The following PCDHGA11 variants were observed in gnomAD, a reference collection of about 807,000 sequenced individuals.
The protein encoded by PCDHGA11 is protocadherin gamma-A11.
In PCDHGA11, 39 loss-of-function variants were observed where a neutral mutation model predicts 60.4. The ratio of observed to expected loss-of-function variants is 0.65; its 90% confidence interval spans 0.50 to 0.84. The LOEUF is 0.84. PCDHGA11 is among the 40% of genes least tolerant of loss of function. PCDHGA11 has a pLI of 0.00. For missense variants in PCDHGA11, 1,165 were observed against 1,197.7 expected (o/e 0.97, Z 0.40); for synonymous variants, 533 against 510.3 (o/e 1.04, Z -0.60).
At chr5:141,439,996 G>C (rs1156373511) in intron 1 of PCDHGA11, 1 of 153,262 alleles carries the variant, frequency 6.5e-6, no homozygotes, top group African/African-American at 2.4e-5. Flanking sequence ...GTTTGGTGGT[G>C]GGAAACCTTG....
chr5:141,477,607 G>A lies in PCDHGA11; in HGVS notation c.2434-17200G>A, dbSNP rs1223703956. ...ATGCTCGGCTTTCTTTCTTTCTCTT[G>A]GAGCAAGGAGCTGAAACCGGGCTAG... is the stretch of plus-strand genomic sequence containing the variant. On this transcript the variant is annotated intron_variant, in intron 1 of 3. Coordinates refer to ENST00000398587, the MANE Select transcript of PCDHGA11 (RefSeq NM_018914.3). The surrounding 1 kb of genome is among the most constrained non-coding windows in gnomAD (Gnocchi z 4.9). 2 of 1,614,028 alleles carry A rather than the reference G, an allele frequency of 1.2e-6. No individual in the cohort carries two copies. The highest frequency in any genetic ancestry group is 3.3e-5 in the Admixed American group (2 of 60,000).
chr5:141,429,421 C>T (rs1223756901), intron 1 of PCDHGA11, among the ~76,000 whole-genome samples: 1 of 151,486 alleles, frequency 6.6e-6, no homozygotes, highest in Non-Finnish European at 1.5e-5. Context: ...CATTATGTTG[C>T]CCAGGCTGGA....
chr5:141,436,743 C>A (rs991678215), intron 1 of PCDHGA11, among the ~76,000 whole-genome samples: 3 of 152,158 alleles, frequency 2.0e-5, no homozygotes, highest in Non-Finnish European at 4.4e-5. Flanking sequence ...TTTTTGTGTG[C>A]TTCTCCATAT....
Position 141,432,148 on chromosome 5 carries a change from G to C in PCDHGA11, c.2433+8488G>C. ...CCTCCTATTCCGCTTATATCCCAGA[G>C]AACAATCCCAGAGGAGTTTCCCTCG... On this transcript the variant is annotated intron_variant, in intron 1 of 3. Coordinates refer to ENST00000398587, the MANE Select transcript of PCDHGA11 (RefSeq NM_018914.3). The surrounding 1 kb of genome is among the most constrained non-coding windows in gnomAD (Gnocchi z 6.0). 6.2e-7 allele frequency: 1 copy of C among 1,614,002 alleles called. No individual in the cohort carries two copies. Among genetic ancestry groups the C allele is most frequent in the East Asian group, 2.2e-5 (1 of 44,876 alleles).
intron 1 of PCDHGA11, among the ~76,000 whole-genome samples, chr5:141,456,780 T>A (rs1392367637): frequency 1.3e-5 from 2 of 152,000 alleles, no homozygotes; most frequent in Non-Finnish European, 2.9e-5. Flanking sequence ...CTGGCCTACA[T>A]GGCAAAACCC....
chr5:141,438,591 CATATATATATATATAT>C (rs946798767), intron 1 of PCDHGA11, among the ~76,000 whole-genome samples: 4 of 75,562 alleles, frequency 5.3e-5, no homozygotes, highest in East Asian at 3.5e-4. Context: ...TACATACATA[CATATATATATATATAT>C]ATATATATAT....
chr5:141,500,062 TAA>T (rs1314388217), intron 2 of PCDHGA11, among the ~76,000 whole-genome samples: 1 of 152,144 alleles, frequency 6.6e-6, no homozygotes, highest in East Asian at 1.9e-4. Flanking sequence ...TCTTTTAATG[TAA>T]AAGACTTCCC....
In PCDHGA11 at chr5:141,423,840, A is replaced by G. The variant is rs189449471; in HGVS notation, c.2433+180A>G. ...CTTTGCCTTTCATGAGATTACGATA[A>G]TCTTTCAGAACGTTTTTGTGAAAGT... On this transcript the variant is annotated intron_variant, in intron 1 of 3. Coordinates refer to ENST00000398587, the MANE Select transcript of PCDHGA11 (RefSeq NM_018914.3). 1,637 of 1,279,840 alleles carry G rather than the reference A, an allele frequency of 1.3e-3. 3 individuals carry two copies. The highest frequency in any genetic ancestry group is 1.5e-3 in the Non-Finnish European group (1,519 of 1,009,392). 79.3% of individuals were successfully genotyped at this position (1,279,840 alleles called of 1,614,324 possible).
chr5:141,424,061 CTGATT>C, intron 1 of PCDHGA11: 1 of 1,003,194 alleles, frequency 1.0e-6, no homozygotes, highest in Non-Finnish European at 1.2e-6. Flanking sequence ...TGTGCCTTCA[CTGATT>C]TGTAGTTATA....
chr5:141,494,601 A>T (rs1396717178), intron 1 of PCDHGA11, among the ~76,000 whole-genome samples: 1 of 151,892 alleles, frequency 6.6e-6, no homozygotes, highest in East Asian at 1.9e-4. Context: ...ATGAAATGTG[A>T]TTTATCTCTT....
chr5:141,486,168 A>C lies in PCDHGA11; in HGVS notation c.2434-8639A>C, dbSNP rs774913463. 6.2e-7 allele frequency: 1 copy of C among 1,614,196 alleles called. No homozygotes were observed. Among genetic ancestry groups the C allele is most frequent in the South Asian group, 1.1e-5 (1 of 91,084 alleles). On this transcript the variant is annotated intron_variant, in intron 1 of 3. Transcript: ENST00000398587. The surrounding 1 kb of genome is among the most constrained non-coding windows in gnomAD (Gnocchi z 5.0). ...GATGGGGGTTCTCCAGCCATGGAGC[A>C]ACATTGCAGCCTTCGAGTGGATCTG...
At position 141,431,513 on chromosome 5, in the gene PCDHGA11, C is replaced by A. The variant is rs1468442248; in HGVS notation, c.2433+7853C>A. ...TCAGCCCGAGTACCGCGCGAGCGTT[C>A]CGGAGAATCTGGCCTTGGGCACGCA... is the stretch of plus-strand genomic sequence containing the variant. On this transcript the variant is annotated intron_variant, in intron 1 of 3. Transcript: ENST00000398587. The surrounding 1 kb of genome is among the most constrained non-coding windows in gnomAD (Gnocchi z 4.8). 1 of 1,614,022 alleles carries A rather than the reference C, an allele frequency of 6.2e-7. No individual in the cohort carries two copies. The highest frequency in any genetic ancestry group is 1.7e-5 in the Admixed American group (1 of 60,032).
chr5:141,476,556 C>G lies in PCDHGA11; in HGVS notation c.2434-18251C>G. On this transcript the variant is annotated intron_variant, in intron 1 of 3. Transcript: ENST00000398587. This position sits in a 1 kb window ranked among gnomAD's most constrained non-coding sequence, Gnocchi z 7.6. ...GAAATGAAATTGGAGATTAGCGAGG[C>G]CGTGGCTCCGGGGACGCGCTTTCCG... The G allele has an allele frequency of 6.2e-7, 1 of 1,614,234 alleles. No homozygotes were observed. The highest frequency in any genetic ancestry group is 8.5e-7 in the Non-Finnish European group (1 of 1,180,036).
chr5:141,447,299 C>A (rs543731556), intron 1 of PCDHGA11, among the ~76,000 whole-genome samples: 38 of 152,102 alleles, frequency 2.5e-4, no homozygotes, highest in Middle Eastern at 6.8e-3. Context: ...GCCACCACAC[C>A]CGGCTAATTT....
intron 1 of PCDHGA11, chr5:141,442,400 C>G (rs1478739190): frequency 6.6e-6 from 1 of 152,224 alleles, no homozygotes; most frequent in Admixed American, 6.5e-5. Context: ...TCCTACGAAT[C>G]CAGGGCTGAG....
chr5:141,460,128 T>C (rs10051366), intron 1 of PCDHGA11, among the ~76,000 whole-genome samples: 42,386 of 151,808 alleles, frequency 0.28, 6,635 homozygotes, highest in African/African-American at 0.43. Context: ...ATATGTAATA[T>C]ATATATTCTT....
At chr5:141,437,529 C>T (rs1205365959) in intron 1 of PCDHGA11, among the ~76,000 whole-genome samples, 1 of 152,102 alleles carries the variant, frequency 6.6e-6, no homozygotes, top group African/African-American at 2.4e-5. Flanking sequence ...GACAAATGAG[C>T]AAATTGTATC....
intron 1 of PCDHGA11, among the ~76,000 whole-genome samples, chr5:141,474,412 C>A (rs1282336092): frequency 6.6e-6 from 1 of 152,220 alleles, no homozygotes; most frequent in Non-Finnish European, 1.5e-5. Flanking sequence ...CCGGTGATGC[C>A]TAGACCATTG....
At chr5:141,433,347 C>T (rs1207853986) in intron 1 of PCDHGA11, 3 of 626,596 alleles carry the variant, frequency 4.8e-6, no homozygotes, top group Non-Finnish European at 8.3e-6. Context: ...GTGCAAGCCA[C>T]CTACTGTCTG....
Sources: allele counts gnomAD v4.1 joint callset (sites outside exome capture counted in the v4.1 genomes callset), GRCh38; gene constraint gnomAD v4.1.1; non-coding constraint Gnocchi (gnomAD v3.1); transcripts MANE v1.5; gene names NCBI Gene and HGNC (gene_info 2026-07-23, HGNC 2026-07-21).